The following IREB2 variants were observed in gnomAD, a reference collection of about 807,000 sequenced individuals.
IREB2 encodes iron responsive element binding protein 2, also known as iron-responsive element-binding protein 2.
In IREB2, 39 loss-of-function variants were observed where a neutral mutation model predicts 118.8. The ratio of observed to expected loss-of-function variants is 0.33; its 90% CI spans 0.25 to 0.43. The LOEUF is 0.43. Among genes scored for constraint, IREB2 ranks in the 20% least tolerant of loss-of-function variants. IREB2 has a pLI of 1.00. For synonymous variants in IREB2, 372 were observed against 392.2 expected (o/e 0.95, Z 0.61); for missense variants, 900 against 1,147.3 (o/e 0.78, Z 3.11).
At chr15:78,448,171 G>C (rs2050962522) in intron 2 of IREB2, among the ~76,000 whole-genome samples, 1 of 152,238 alleles carries the variant, frequency 6.6e-6, no homozygotes, top group Non-Finnish European at 1.5e-5. Context: ...TTGAGACAGA[G>C]TCTTGCTCTG....
intron 18 of IREB2, 108 bp from the exon 19 acceptor site, chr15:78,493,801 G>A: frequency 1.0e-6 from 1 of 978,910 alleles, no homozygotes; most frequent in Non-Finnish European, 1.5e-6. Flanking sequence ...TTTCTTTTGT[G>A]TTTGAAATTT....
At chr15:78,455,161 A>G (rs898728860) in intron 2 of IREB2, among the ~76,000 whole-genome samples, 1 of 152,176 alleles carries the variant, frequency 6.6e-6, no homozygotes, top group Non-Finnish European at 1.5e-5. Context: ...GAGAGATTGA[A>G]CCACATTGAC....
chr15:78,443,627 T>G (rs1006746770), intron 2 of IREB2, among the ~76,000 whole-genome samples: 5 of 149,212 alleles, frequency 3.4e-5, no homozygotes, highest in East Asian at 1.9e-4. Flanking sequence ...TTTTGTGGGG[T>G]TTTTTTTGTT....
At chr15:78,490,800 T>TG (rs1291671246) in intron 18 of IREB2, 39 bp downstream of exon 18, 8 of 1,586,108 alleles carry the variant, frequency 5.0e-6, no homozygotes, top group South Asian at 2.2e-5. Flanking sequence ...TGTTTTTTCT[T>TG]GTTTCTTACT....
chr15:78,465,431 T>G (rs2051265879), intron 4 of IREB2, 43 bp downstream of exon 4: 1 of 1,543,702 alleles, frequency 6.5e-7, no homozygotes, highest in African/African-American at 1.4e-5. Flanking sequence ...GCAAGTTAAT[T>G]GGCTGGAAAT....
intron 2 of IREB2, among the ~76,000 whole-genome samples, chr15:78,453,074 C>T (rs76711744): frequency 0.025 from 3,777 of 152,242 alleles, 65 homozygotes; most frequent in East Asian, 0.085. Context: ...GCTCTTTGCT[C>T]CAGAGCAAGA....
chr15:78,483,186 A>G, intron 10 of IREB2, 132 bp from the exon 11 acceptor site: 1 of 558,132 alleles, frequency 1.8e-6, no homozygotes. Context: ...AGGGTGTATT[A>G]TACTATTAAA....
upstream of IREB2, chr15:78,438,101 A>C: frequency 1.9e-6 from 1 of 521,322 alleles, no homozygotes; most frequent in Non-Finnish European, 3.5e-6. Context: ...CTTTCTGGTT[A>C]GCTCCGCCCC....
At chr15:78,438,083 A>G (rs1266965618), upstream of IREB2, 2 of 487,936 alleles carry the variant, frequency 4.1e-6, no homozygotes, top group Non-Finnish European at 7.4e-6. Context: ...CGACGGCGCG[A>G]GAAATCGCTT....
intron 13 of IREB2, 68 bp downstream of exon 13, chr15:78,485,908 G>A: frequency 2.3e-6 from 3 of 1,290,402 alleles, no homozygotes; most frequent in Non-Finnish European, 3.3e-6. Context: ...GCTTGTTTGT[G>A]CCTTTCATAT....
intron 20 of IREB2, among the ~76,000 whole-genome samples, chr15:78,494,674 A>G (rs2051809979): frequency 6.6e-6 from 1 of 152,068 alleles, no homozygotes. Flanking sequence ...CCCAGGTGCA[A>G]TCAGTTCTCC....
chr15:78,442,729 A>G (rs1049768131), intron 2 of IREB2, among the ~76,000 whole-genome samples: 3 of 152,174 alleles, frequency 2.0e-5, no homozygotes, highest in African/African-American at 2.4e-5. Context: ...TGCAGCACCA[A>G]TCTCCGCAAG....
chr15:78,468,838 C>A (rs1308784651), intron 5 of IREB2, among the ~76,000 whole-genome samples: 13 of 152,132 alleles, frequency 8.5e-5, no homozygotes, highest in Non-Finnish European at 5.9e-5. Flanking sequence ...TTTATGAAGT[C>A]ACTTTCTTGT....
At chr15:78,485,630 C>A in intron 12 of IREB2, 75 bp from the exon 13 acceptor site, 2 of 1,418,052 alleles carry the variant, frequency 1.4e-6, no homozygotes, top group Non-Finnish European at 1.9e-6. Flanking sequence ...AATTACTTCT[C>A]ACTTTTTACT....
At chr15:78,480,301 T>A (rs1194339948) in intron 10 of IREB2, 1 of 152,196 alleles carries the variant, frequency 6.6e-6, no homozygotes, top group Admixed American at 6.5e-5. Context: ...TTTTCCTTGT[T>A]CACATTTTTT....
At position 78,490,738 on chromosome 15, in the gene IREB2, C is replaced by T. The variant is rs1341427052; in HGVS notation, c.2301C>T (p.Ala767=). The part of the protein sequence containing the change: ...PAGSIARNSA[A]AKYLTNRGLT... ...GAAGTATCGCTAGGAATAGTGCTGC[C>T]GCTAAGTATTTGACAAACAGAGGGT... The change falls in exon 18 of 22, where the codon GCC becomes GCT. Residue 767 remains alanine (A), a synonymous_variant. Coordinates refer to ENST00000258886, the MANE Select transcript of IREB2 (RefSeq NM_004136.4). 9.3e-6 allele frequency: 15 copies of T among 1,613,882 alleles called. No individual in the cohort carries two copies. The highest frequency in any genetic ancestry group is 3.3e-5 in the Admixed American group (2 of 59,988).
At chr15:78,464,815 G>T (rs1185723772) in intron 3 of IREB2, among the ~76,000 whole-genome samples, 1 of 152,170 alleles carries the variant, frequency 6.6e-6, no homozygotes, top group Non-Finnish European at 1.5e-5. Context: ...CACACTGAAG[G>T]CATTTGATAA....
In IREB2 at chr15:78,488,784, T is replaced by A. The variant is rs191093553; in HGVS notation, c.2076+13T>A. 1 of 1,408,500 alleles carries A rather than the reference T, an allele frequency of 7.1e-7. No homozygotes were observed. Among genetic ancestry groups the A allele is most frequent in the South Asian group, 1.2e-5 (1 of 81,538 alleles). The allele number at this position is 1,408,500 out of a possible 1,614,324, so 87.3% of individuals were successfully genotyped here. A position where few individuals can be genotyped will look rare whatever the true frequency, so the allele number is the denominator to read the frequency against. ...AGATAAAATAGAAGTAAGAGTCTTA[T>A]GTGTTTCTTAAATAGTTTAATCAAT... On this transcript the variant is annotated intron_variant, in intron 16 of 21. Transcript: ENST00000258886.
rs763824830 is a variant in IREB2 at position 78,471,778 on chromosome 15, C to T, written c.737C>T (p.Pro246Leu). ...GTTTTTAAGAATGTGGCAGTGATCC[C>T]TCCTGGAACTGGAATGGCTCATCAA... ...SRVFKNVAVIPPGTGMAHQIN... is the reference protein window; with the variant it reads ...SRVFKNVAVILPGTGMAHQIN... The change falls in exon 7 of 22, where the codon CCT (proline) becomes CTT (leucine). Residue 246 changes from proline (P) to leucine (L), a missense_variant. Transcript: ENST00000258886. 6.2e-7 allele frequency: 1 copy of T among 1,612,542 alleles called. No individual in the cohort carries two copies. Among genetic ancestry groups the T allele is most frequent in the East Asian group, 2.2e-5 (1 of 44,850 alleles).
Sources: allele counts gnomAD v4.1 joint callset (sites outside exome capture counted in the v4.1 genomes callset), GRCh38; gene constraint gnomAD v4.1.1; transcripts MANE v1.5; gene names NCBI Gene and HGNC (gene_info 2026-07-23, HGNC 2026-07-21).